Variants in ACTR3B observed in about 807,000 individuals in gnomAD.
The protein encoded by ACTR3B is actin related protein 3B, also known as actin-related protein 3B.
ACTR3B carries 8 observed loss-of-function variants against 59.0 expected under a neutral mutation model. The ratio of observed to expected loss-of-function variants is 0.14; its 90% CI spans 0.08 to 0.24. The LOEUF is 0.24. ACTR3B is among the 10% of genes least tolerant of loss of function. ACTR3B has a pLI of 1.00. For missense variants in ACTR3B, 245 were observed against 552.3 expected (o/e 0.44, Z 5.58); for synonymous variants, 148 against 197.9 (o/e 0.75, Z 2.12).
intron 7 of ACTR3B, among the ~76,000 whole-genome samples, chr7:152,821,697 G>A (rs1471775245): frequency 6.6e-6 from 1 of 152,194 alleles, no homozygotes; most frequent in African/African-American, 2.4e-5. Flanking sequence ...TCTCCCCCCT[G>A]TGAAGGCTGG....
At chr7:152,765,533 C>G (rs553285594) in intron 1 of ACTR3B, among the ~76,000 whole-genome samples, 5 of 151,844 alleles carry the variant, frequency 3.3e-5, no homozygotes, top group African/African-American at 4.8e-5. Flanking sequence ...CAGTTCTCTC[C>G]TGAGTCCACA....
rs528771598 is a variant in ACTR3B, at chr7:152,848,395, T to C, written c.952-3731T>C. Reference sequence around the variant, plus strand: ...CTGCCAGAGAGCGAGGCTGGAGGAATCTTAGCCTGGAAAAGTTTTAAAGGA... The same window carrying C: ...CTGCCAGAGAGCGAGGCTGGAGGAACCTTAGCCTGGAAAAGTTTTAAAGGA... On this transcript the variant is annotated intron_variant, in intron 9 of 11. Coordinates refer to ENST00000256001, the MANE Select transcript of ACTR3B (RefSeq NM_020445.6). Among the ~76,000 whole-genome samples, 8 of 152,330 alleles carry C rather than the reference T, an allele frequency of 5.3e-5. No individual in the cohort carries two copies. In the South Asian group the frequency reaches 8.3e-4, roughly 16 times the overall value.
chr7:152,835,590 C>T (rs376623621), intron 9 of ACTR3B, among the ~76,000 whole-genome samples: 2 of 152,146 alleles, frequency 1.3e-5, no homozygotes, highest in Non-Finnish European at 2.9e-5. Flanking sequence ...GGGAAAATGG[C>T]GCTGACAGAC....
At chr7:152,784,780 G>T (rs927773829) in intron 2 of ACTR3B, among the ~76,000 whole-genome samples, 1 of 152,036 alleles carries the variant, frequency 6.6e-6, no homozygotes, top group Non-Finnish European at 1.5e-5. Context: ...GTGTGGGGTT[G>T]CTGGGGACCT....
At chr7:152,832,767 GA>G (rs1282962127) in intron 9 of ACTR3B, among the ~76,000 whole-genome samples, 1 of 152,218 alleles carries the variant, frequency 6.6e-6, no homozygotes, top group Non-Finnish European at 1.5e-5. Flanking sequence ...AACTCAGGCA[GA>G]ATTCCTTCTC....
intron 4 of ACTR3B, among the ~76,000 whole-genome samples, chr7:152,804,158 A>T (rs568157464): frequency 3.9e-5 from 6 of 152,122 alleles, no homozygotes. Context: ...CTCAGCTTAC[A>T]CTGGTTATGT....
intron 2 of ACTR3B, among the ~76,000 whole-genome samples, chr7:152,793,022 ATTT>A (rs529256740): frequency 2.0e-3 from 208 of 103,842 alleles, no homozygotes; most frequent in African/African-American, 6.4e-3. Flanking sequence ...TAGAAGCTGA[ATTT>A]TTTTTTTTTT....
chr7:152,842,418 A>G (rs1254191993), intron 9 of ACTR3B, among the ~76,000 whole-genome samples: 2 of 152,222 alleles, frequency 1.3e-5, no homozygotes, highest in Non-Finnish European at 2.9e-5. Context: ...CATGCTTCTC[A>G]GAATGGTGCG....
intron 2 of ACTR3B, among the ~76,000 whole-genome samples, chr7:152,796,056 G>T (rs1260639767): frequency 6.6e-6 from 1 of 152,048 alleles, no homozygotes; most frequent in Non-Finnish European, 1.5e-5. Flanking sequence ...TGTTGGTCAG[G>T]CTGGTCTTGA....
At chr7:152,764,306 C>G (rs1467170241) in intron 1 of ACTR3B, among the ~76,000 whole-genome samples, 6 of 152,074 alleles carry the variant, frequency 3.9e-5, no homozygotes, top group African/African-American at 1.4e-4. Context: ...TGCACCTGGC[C>G]TTCCATGTTC....
At position 152,854,626 on chromosome 7, in the gene ACTR3B, C is replaced by A; in HGVS notation, c.*73C>A. 1 of 1,501,788 alleles carries A rather than the reference C, an allele frequency of 6.7e-7. No individual in the cohort carries two copies. The highest frequency in any genetic ancestry group is 9.2e-7 in the Non-Finnish European group (1 of 1,082,128). 93.0% of individuals were successfully genotyped at this position (1,501,788 alleles called of 1,614,324 possible). On this transcript the variant is annotated 3_prime_UTR_variant, in exon 12 of 12. Coordinates refer to ENST00000256001, the MANE Select transcript of ACTR3B (RefSeq NM_020445.6). This position sits in a 1 kb window ranked among gnomAD's most constrained non-coding sequence, Gnocchi z 4.9. ...GTCCTTCAGAACCCAGAGAAGGCCG[C>A]CGTTCTGTAAATAGCGACGTCGGTG...
chr7:152,799,208 T>A (rs2098226977), intron 2 of ACTR3B, among the ~76,000 whole-genome samples: 1 of 152,180 alleles, frequency 6.6e-6, no homozygotes. Context: ...ATTTATGGAA[T>A]TAGGTTTATG....
chr7:152,780,811 AT>A (rs1279785057), intron 1 of ACTR3B, among the ~76,000 whole-genome samples: 7 of 151,308 alleles, frequency 4.6e-5, no homozygotes, highest in Non-Finnish European at 1.0e-4. Flanking sequence ...TATAGAACAA[AT>A]TGCTTTTTGT....
intron 2 of ACTR3B, among the ~76,000 whole-genome samples, chr7:152,785,598 T>C (rs2098171453): frequency 7.1e-6 from 1 of 140,080 alleles, no homozygotes; most frequent in Non-Finnish European, 1.5e-5. Context: ...TACTGAGATG[T>C]GGAAGTGAGG....
chr7:152,789,693 T>C, intron 2 of ACTR3B, among the ~76,000 whole-genome samples: 1 of 151,956 alleles, frequency 6.6e-6, no homozygotes, highest in Non-Finnish European at 1.5e-5. Flanking sequence ...TCGTGTTTCT[T>C]TTCTTGGTCT....
chr7:152,854,806 C>T lies in ACTR3B; in HGVS notation c.*253C>T, dbSNP rs1372084355. On this transcript the variant is annotated 3_prime_UTR_variant, in exon 12 of 12. Coordinates refer to ENST00000256001, the MANE Select transcript of ACTR3B (RefSeq NM_020445.6). The surrounding 1 kb of genome is among the most constrained non-coding windows in gnomAD (Gnocchi z 4.9). ...CTCTCCCTCCTCCTCCTCCTCCGAG[C>T]TGCTAGCTGACAAATACAATTCTGA... The T allele has an allele frequency of 4.8e-5, 21 of 437,530 alleles. No homozygotes were observed. The East Asian group carries it at 7.9e-4, about 16-fold the overall frequency. The allele number at this position is 437,530 out of a possible 1,614,324, so 27.1% of individuals were successfully genotyped here. A position where few individuals can be genotyped will look rare whatever the true frequency, so the allele number is the denominator to read the frequency against.
intron 9 of ACTR3B, among the ~76,000 whole-genome samples, chr7:152,851,643 G>A (rs549902834): frequency 6.6e-6 from 1 of 152,346 alleles, no homozygotes; most frequent in African/African-American, 2.4e-5. Context: ...GGGCAGTGCT[G>A]GCTGGGTGGC....
chr7:152,789,722 T>G (rs2098188350), intron 2 of ACTR3B, among the ~76,000 whole-genome samples: 1 of 152,166 alleles, frequency 6.6e-6, no homozygotes, highest in Non-Finnish European at 1.5e-5. Context: ...TGGCTAGAAC[T>G]TCTATTAAAA....
rs977046770 is a variant in ACTR3B at position 152,818,969 on chromosome 7, A to G, written c.541-1330A>G. Among the ~76,000 whole-genome samples the G allele has an allele frequency of 2.6e-5, 4 of 152,326 alleles. No homozygotes were observed. The East Asian group carries it at 5.8e-4, about 22-fold the overall frequency. ...ATAATTTATTTTTCTGTTGTTGGAC[A>G]TGTATCTTGTTTTAATATTTTTACC... On this transcript the variant is annotated intron_variant, in intron 6 of 11. Coordinates refer to ENST00000256001, the MANE Select transcript of ACTR3B (RefSeq NM_020445.6).
Sources: gnomAD v4.1 joint callset for allele counts (sites outside exome capture counted in the v4.1 genomes callset) on GRCh38, gnomAD v4.1.1 for gene constraint, Gnocchi (gnomAD v3.1) non-coding constraint, MANE v1.5 for transcripts, NCBI Gene and HGNC (gene_info 2026-07-23, HGNC 2026-07-21) for gene names.